The following RFX4 variants were observed in gnomAD, a reference collection of about 807,000 sequenced individuals.
RFX4 encodes transcription factor RFX4.
Under a neutral mutation model 95.0 loss-of-function variants are expected in RFX4, and 10 were observed. The ratio of observed to expected loss-of-function variants is 0.11; its 90% CI spans 0.06 to 0.18. The LOEUF (loss-of-function observed/expected upper bound fraction) is 0.18. Among genes scored for constraint, RFX4 ranks in the 10% least tolerant of loss-of-function variants. The pLI is 1.00. For missense variants in RFX4, 640 were observed against 922.0 expected (o/e 0.69, Z 3.96); for synonymous variants, 321 against 340.7 (o/e 0.94, Z 0.64).
At chr12:106,689,204 G>C (rs1023523081) in intron 6 of RFX4, 83 bp from the exon 7 acceptor site, 1 of 1,156,098 alleles carries the variant, frequency 8.6e-7, no homozygotes, top group African/African-American at 1.5e-5. Flanking sequence ...GGGAAGAAAT[G>C]ACTTAAAAAC....
At chr12:106,664,666 A>G (rs2041139205) in intron 4 of RFX4, among the ~76,000 whole-genome samples, 1 of 151,700 alleles carries the variant, frequency 6.6e-6, no homozygotes, top group Admixed American at 6.6e-5. Context: ...ATCTTTTCCA[A>G]TATATGCATT....
chr12:106,670,333 C>A (rs1438852442), intron 4 of RFX4, among the ~76,000 whole-genome samples: 1 of 152,156 alleles, frequency 6.6e-6, no homozygotes, highest in East Asian at 1.9e-4. Flanking sequence ...TAACTCACCT[C>A]ATTCTAGCTA....
Position 106,696,429 on chromosome 12 carries a change from G to T in RFX4, c.816G>T (p.Leu272=). The T allele has an allele frequency of 1.2e-6, 2 of 1,614,138 alleles. No homozygotes were observed. Among genetic ancestry groups the T allele is most frequent in the Non-Finnish European group, 1.7e-6 (2 of 1,180,014 alleles). Residue 272 remains leucine (L), a synonymous_variant, in exon 8 of 18, where the codon CTG becomes CTT. Transcript: ENST00000392842. ...AISGVLMPTV[L]QALPDSLTQV... is the part of the protein sequence containing the mutation. ...CCGGGGTGCTGATGCCCACTGTGCT[G>T]CAGGCATTACCTGACAGGTGGGCAT...
intron 13 of RFX4, among the ~76,000 whole-genome samples, chr12:106,728,632 CCTCT>C (rs1008203567): frequency 3.9e-5 from 6 of 152,114 alleles, no homozygotes; most frequent in Non-Finnish European, 7.3e-5. Flanking sequence ...GCTGTAACTG[CCTCT>C]CTCCTCTTGT....
chr12:106,621,063 C>T (rs1053444595), intron 2 of RFX4, among the ~76,000 whole-genome samples: 3 of 152,246 alleles, frequency 2.0e-5, no homozygotes, highest in Non-Finnish European at 4.4e-5. Context: ...GCACTGATTT[C>T]ATATTGTTCA....
At chr12:106,681,921 C>T in intron 4 of RFX4, 72 bp from the exon 5 acceptor site, 1 of 1,511,806 alleles carries the variant, frequency 6.6e-7, no homozygotes, top group Non-Finnish European at 9.2e-7. Context: ...CTGTAGATGG[C>T]TATTTGTAAA....
chr12:106,711,742 G>A (rs1174480327), intron 10 of RFX4, among the ~76,000 whole-genome samples: 8 of 152,148 alleles, frequency 5.3e-5, no homozygotes, highest in African/African-American at 1.9e-4. Context: ...TATGTTCTAA[G>A]TCCACAGTTC....
At chr12:106,687,669 T>C (rs973375013) in intron 6 of RFX4, among the ~76,000 whole-genome samples, 2 of 152,172 alleles carry the variant, frequency 1.3e-5, no homozygotes, top group African/African-American at 4.8e-5. Flanking sequence ...ATGTTAACAA[T>C]TGGGGTGAGG....
intron 7 of RFX4, among the ~76,000 whole-genome samples, chr12:106,690,442 G>C (rs1355180643): frequency 1.3e-5 from 2 of 152,146 alleles, no homozygotes; most frequent in African/African-American, 2.4e-5. Flanking sequence ...CTGAGATCAG[G>C]ACAAATAATG....
intron 15 of RFX4, among the ~76,000 whole-genome samples, chr12:106,738,995 C>T (rs2042759941): frequency 1.3e-5 from 2 of 151,272 alleles, no homozygotes; most frequent in Admixed American, 1.3e-4. Flanking sequence ...ACATGGTTTT[C>T]ATGCCCAGTT....
rs571830315 is a variant in RFX4 at position 106,716,651 on chromosome 12, C to T, written c.1138+1107C>T. On this transcript the variant is annotated intron_variant, in intron 11 of 17. Transcript: ENST00000392842. Reference sequence around the variant, plus strand: ...AGCCCAAACCTCACTCAGGCTGTTACTTCTTCCTTCACAGCTGCCCCAAGC... The same window carrying T: ...AGCCCAAACCTCACTCAGGCTGTTATTTCTTCCTTCACAGCTGCCCCAAGC... Among the ~76,000 whole-genome samples, 125 of 152,256 alleles carry T rather than the reference C, an allele frequency of 8.2e-4. 1 individual carries two copies. The highest frequency in any genetic ancestry group is 3.4e-3 in the Middle Eastern group (1 of 294).
intron 8 of RFX4, among the ~76,000 whole-genome samples, chr12:106,706,665 G>A (rs2042092785): frequency 6.6e-6 from 1 of 152,154 alleles, no homozygotes; most frequent in Non-Finnish European, 1.5e-5. Context: ...AACCAAATCA[G>A]AGTGTAGGAC....
rs892853504 is a variant in RFX4 at position 106,729,750 on chromosome 12, G to A, written c.1352-2380G>A. Among the ~76,000 whole-genome samples the A allele has an allele frequency of 4.6e-5, 7 of 152,308 alleles. 1 individual carries two copies. The highest frequency in any genetic ancestry group is 1.3e-4 in the Admixed American group (2 of 15,292). On this transcript the variant is annotated intron_variant, in intron 13 of 17. Transcript: ENST00000392842. ...CAGATTTTGTTTTCAGTATTTATAA[G>A]GATTAGGGAGGGTAAAGGAACTCAT...
chr12:106,619,683 C>G (rs775489164), intron 2 of RFX4, among the ~76,000 whole-genome samples: 7 of 152,160 alleles, frequency 4.6e-5, no homozygotes, highest in Non-Finnish European at 1.0e-4. Context: ...GTCTCCCTCA[C>G]TATTCTCATC....
intron 2 of RFX4, among the ~76,000 whole-genome samples, chr12:106,626,093 A>G (rs1592865805): frequency 6.6e-6 from 1 of 152,240 alleles, no homozygotes; most frequent in Non-Finnish European, 1.5e-5. Flanking sequence ...TTCAAATGAT[A>G]TGAGTTGTAC....
At chr12:106,693,691 G>A (rs1201909526) in intron 7 of RFX4, among the ~76,000 whole-genome samples, 3 of 152,156 alleles carry the variant, frequency 2.0e-5, no homozygotes, top group Non-Finnish European at 2.9e-5. Context: ...CTCAGGCCAC[G>A]CTAATAGTCA....
intron 2 of RFX4, among the ~76,000 whole-genome samples, chr12:106,616,218 A>G (rs2040070159): frequency 1.3e-5 from 2 of 152,156 alleles, no homozygotes; most frequent in African/African-American, 4.8e-5. Flanking sequence ...TTTGATGATC[A>G]TATATTTTTC....
At chr12:106,725,871 G>A (rs1363049897) in intron 13 of RFX4, among the ~76,000 whole-genome samples, 1 of 152,084 alleles carries the variant, frequency 6.6e-6, no homozygotes. Flanking sequence ...TGTTTTTATA[G>A]GCAAGTTTAA....
At chr12:106,754,604 G>T (rs959907781) in intron 17 of RFX4, among the ~76,000 whole-genome samples, 1 of 152,162 alleles carries the variant, frequency 6.6e-6, no homozygotes, top group African/African-American at 2.4e-5. Flanking sequence ...TAAAGCCATT[G>T]CCATAAAAAG....
Sources: gnomAD v4.1 joint callset for allele counts (sites outside exome capture counted in the v4.1 genomes callset) on GRCh38, gnomAD v4.1.1 for gene constraint, MANE v1.5 for transcripts, NCBI Gene and HGNC (gene_info 2026-07-23, HGNC 2026-07-21) for gene names.